Variants in ERGIC2 observed in about 807,000 individuals in gnomAD.
ERGIC2 encodes the protein endoplasmic reticulum-Golgi intermediate compartment protein 2.
ERGIC2 carries 31 observed loss-of-function variants against 52.5 expected under a neutral mutation model. The ratio of observed to expected loss-of-function variants is 0.59; its 90% CI spans 0.44 to 0.80. The LOEUF is 0.80. Among genes scored for constraint, ERGIC2 ranks in the 30% least tolerant of loss-of-function variants. The pLI, the probability that ERGIC2 is intolerant of heterozygous loss-of-function variation, is 0.00. For synonymous variants in ERGIC2, 129 were observed against 140.6 expected (o/e 0.92, Z 0.58); for missense variants, 395 against 455.2 (o/e 0.87, Z 1.20).
intron 1 of ERGIC2, among the ~76,000 whole-genome samples, chr12:29,379,632 G>A (rs942436130): frequency 1.3e-5 from 2 of 152,150 alleles, no homozygotes; most frequent in African/African-American, 2.4e-5. Flanking sequence ...GCCAGGTATT[G>A]TTCTAAATGC....
chr12:29,370,161 T>C lies in ERGIC2; in HGVS notation c.168A>G (p.Gln56=). 6.5e-7 allele frequency: 1 copy of C among 1,549,960 alleles called. No individual in the cohort carries two copies. Among genetic ancestry groups the C allele is most frequent in the Non-Finnish European group, 8.6e-7 (1 of 1,158,762 alleles). ...CGTATTCATACTTCATCCATGTATC[T>C]TGATATACTGAGAATTCCATTATGG... ...LLTIMEFSVY[Q]DTWMKYEYEV... is the part of the protein sequence containing the mutation. Residue 56 remains glutamine (Q), a synonymous_variant, in exon 3 of 14, where the codon CAA becomes CAG. Transcript: ENST00000360150.
intron 1 of ERGIC2, among the ~76,000 whole-genome samples, chr12:29,374,221 C>G (rs1940483863): frequency 6.6e-6 from 1 of 152,158 alleles, no homozygotes. Flanking sequence ...TTAGTACTGA[C>G]AGACACTCCT....
rs994961961 is a variant in ERGIC2, at chr12:29,354,005, A to T, written c.572+2377T>A. Among the ~76,000 whole-genome samples, 4 of 152,142 alleles carry T rather than the reference A, an allele frequency of 2.6e-5. No homozygotes were observed. In the South Asian group the frequency reaches 8.3e-4, roughly 32 times the overall value. ...CTGAAAATTGGTGGGGGGTGAAGAGAGGCATTTTGAGTTGTCAGAATTATT... is the reference window on the plus strand; with the variant it reads ...CTGAAAATTGGTGGGGGGTGAAGAGTGGCATTTTGAGTTGTCAGAATTATT... On this transcript the variant is annotated intron_variant, in intron 8 of 13. Transcript: ENST00000360150.
intron 3 of ERGIC2, among the ~76,000 whole-genome samples, chr12:29,368,546 ACT>A (rs1393392854): frequency 3.3e-5 from 5 of 151,756 alleles, no homozygotes; most frequent in Admixed American, 3.3e-4. Flanking sequence ...ATAATCAATA[ACT>A]CTAAGCAACT....
intron 1 of ERGIC2, among the ~76,000 whole-genome samples, chr12:29,374,001 T>G (rs890602291): frequency 2.6e-5 from 4 of 152,194 alleles, no homozygotes; most frequent in African/African-American, 9.6e-5. Context: ...CTCTTTCTGA[T>G]TTGAGTAAAA....
chr12:29,352,164 C>T (rs575405937), intron 8 of ERGIC2, among the ~76,000 whole-genome samples: 4 of 152,096 alleles, frequency 2.6e-5, no homozygotes, highest in Admixed American at 6.6e-5. Flanking sequence ...CATAGTACAC[C>T]AAAGTACAAA....
chr12:29,380,549 C>G (rs1202043827), intron 1 of ERGIC2: 3 of 152,188 alleles, frequency 2.0e-5, no homozygotes, highest in African/African-American at 7.2e-5. Flanking sequence ...GTTTCCTGCG[C>G]CGAGGAAAAG....
chr12:29,355,117 T>G (rs1250012971), intron 8 of ERGIC2, among the ~76,000 whole-genome samples: 1 of 152,160 alleles, frequency 6.6e-6, no homozygotes, highest in Non-Finnish European at 1.5e-5. Flanking sequence ...CCTTTATATA[T>G]TAAATTCCTC....
chr12:29,366,711 C>T (rs1164309005), intron 5 of ERGIC2, among the ~76,000 whole-genome samples, 166 bp downstream of exon 5: 2 of 151,776 alleles, frequency 1.3e-5, no homozygotes, highest in Non-Finnish European at 2.9e-5. Flanking sequence ...TATAATATAA[C>T]TTTTCTGTTT....
rs1374541488 is a variant in ERGIC2 at position 29,340,260 on chromosome 12, A to G, written c.*896T>C. 6.6e-6 allele frequency: 1 copy of G among 152,214 alleles called. No individual in the cohort carries two copies. Among genetic ancestry groups the G allele is most frequent in the Non-Finnish European group, 1.5e-5 (1 of 68,042 alleles). The allele number at this position is 152,214 out of a possible 1,614,324, so 9.4% of individuals were successfully genotyped here. A position where few individuals can be genotyped will look rare whatever the true frequency, so the allele number is the denominator to read the frequency against. On this transcript the variant is annotated 3_prime_UTR_variant, in exon 14 of 14. Transcript: ENST00000360150. Reference sequence around the variant, plus strand: ...GTTCTCCACTCACCACATGTATAAAATATCCTATTTTTTCTCTTAATGTTT... The same window carrying G: ...GTTCTCCACTCACCACATGTATAAAGTATCCTATTTTTTCTCTTAATGTTT...
intron 10 of ERGIC2, among the ~76,000 whole-genome samples, chr12:29,347,351 C>A (rs1940067578): frequency 6.6e-6 from 1 of 152,310 alleles, no homozygotes. Flanking sequence ...CAGTTTGTGG[C>A]AGCACATATA....
chr12:29,341,971 G>T, intron 12 of ERGIC2, 155 bp from the exon 13 acceptor site: 2 of 495,186 alleles, frequency 4.0e-6, no homozygotes, highest in South Asian at 2.7e-5. Flanking sequence ...TAAAACAAAT[G>T]GATTTCTTTT....
chr12:29,355,743 AT>A (rs1642972780), intron 8 of ERGIC2, among the ~76,000 whole-genome samples: 1 of 152,194 alleles, frequency 6.6e-6, no homozygotes, highest in Admixed American at 6.5e-5. Context: ...ACCAAAAAAA[AT>A]GAACAAATTA....
At chr12:29,345,695 C>T (rs1021725927) in intron 10 of ERGIC2, 155 bp from the exon 11 acceptor site, 1 of 615,366 alleles carries the variant, frequency 1.6e-6, no homozygotes, top group Admixed American at 2.6e-5. Flanking sequence ...AGGAGGACTG[C>T]TTGAGTGTGG....
At chr12:29,341,854 C>T (rs1404243330) in intron 12 of ERGIC2, 38 bp from the exon 13 acceptor site, 5 of 1,001,294 alleles carry the variant, frequency 5.0e-6, no homozygotes, top group South Asian at 2.7e-5. Flanking sequence ...TAATTATTTC[C>T]TAAACTGTTA....
chr12:29,358,372 T>C (rs1313744957), intron 6 of ERGIC2, among the ~76,000 whole-genome samples: 3 of 152,308 alleles, frequency 2.0e-5, no homozygotes, highest in East Asian at 3.9e-4. Context: ...ACAAATGTTA[T>C]ACACAGTGGG....
intron 1 of ERGIC2, among the ~76,000 whole-genome samples, chr12:29,376,713 G>A (rs902375048): frequency 2.0e-5 from 3 of 152,082 alleles, no homozygotes; most frequent in Non-Finnish European, 4.4e-5. Context: ...CAATTTCATT[G>A]CTCCATTCCC....
intron 7 of ERGIC2, among the ~76,000 whole-genome samples, chr12:29,357,190 G>A (rs1446799388): frequency 1.3e-5 from 2 of 151,828 alleles, no homozygotes; most frequent in African/African-American, 4.8e-5. Flanking sequence ...GGCTGGTCTC[G>A]AACTCCTGAC....
rs1491473305 is a variant in ERGIC2, at chr12:29,372,663, TTC to T, written c.-37-995_-37-994del. 58 of 146,460 alleles carry T rather than the reference TTC, an allele frequency of 4.0e-4. 2 individuals carry two copies. The highest frequency in any genetic ancestry group is 3.6e-3 in the Middle Eastern group (1 of 274). The allele number at this position is 146,460 out of a possible 1,614,324, so 9.1% of individuals were successfully genotyped here. On this transcript the variant is annotated intron_variant, in intron 1 of 13. Transcript: ENST00000360150. ...CGTAGCCATTGAAAATCTTTTTTTT[TTC>T]TTTTTTTGAGACAGGATCTTGCTCT...
Sources: allele counts gnomAD v4.1 joint callset (sites outside exome capture counted in the v4.1 genomes callset), GRCh38; gene constraint gnomAD v4.1.1; transcripts MANE v1.5; gene names NCBI Gene and HGNC (gene_info 2026-07-23, HGNC 2026-07-21).